NIPBL: variants seen among roughly 807,000 people sequenced by gnomAD.
NIPBL encodes the protein nipped-B-like protein.
NIPBL carries 19 observed loss-of-function variants against 321.8 expected under a neutral mutation model. That is an observed-to-expected ratio of 0.06 (90% CI 0.04 to 0.09). The LOEUF is 0.09. NIPBL is among the 10% of genes least tolerant of loss of function. The pLI, the probability that NIPBL is intolerant of heterozygous loss-of-function variation, is 1.00. For synonymous variants in NIPBL, 1,106 were observed against 1,114.1 expected, an observed-to-expected ratio of 0.99 and a Z score of 0.14; for missense variants, 2,210 against 3,327.0, an observed-to-expected ratio of 0.66 and a Z score of 8.26.
At chr5:37,064,202 A>G (rs1755133181) in intron 46 of NIPBL, 1 of 1,405,990 alleles carries the variant, frequency 7.1e-7, no homozygotes, top group Non-Finnish European at 9.2e-7. Context: ...TCCAGCATAA[A>G]GGGTTAATTT....
chr5:37,003,161 A>C (rs1235974841), intron 15 of NIPBL, 100 bp from the exon 16 acceptor site: 2 of 773,012 alleles, frequency 2.6e-6, no homozygotes, highest in Admixed American at 3.8e-5. Context: ...TGACAATGCT[A>C]TTTCCTCCAT....
chr5:37,014,859 T>G, intron 22 of NIPBL, 94 bp downstream of exon 22: 1 of 788,844 alleles, frequency 1.3e-6, no homozygotes, highest in South Asian at 1.4e-5. Flanking sequence ...CCTGCCATAA[T>G]CTGAACCTTG....
At chr5:37,016,923 A>T in intron 23 of NIPBL, 96 bp from the exon 24 acceptor site, 3 of 947,494 alleles carry the variant, frequency 3.2e-6, no homozygotes, top group Non-Finnish European at 4.6e-6. Flanking sequence ...TTTAAATTTT[A>T]AATTATACAA....
chr5:36,966,688 T>G (rs1742246155), intron 6 of NIPBL, among the ~76,000 whole-genome samples: 1 of 152,108 alleles, frequency 6.6e-6, no homozygotes, highest in African/African-American at 2.4e-5. Flanking sequence ...AAAACGATGA[T>G]TTTTTAAAAT....
At chr5:36,998,387 T>A (rs978420239) in intron 11 of NIPBL, among the ~76,000 whole-genome samples, 3 of 152,038 alleles carry the variant, frequency 2.0e-5, no homozygotes, top group Non-Finnish European at 4.4e-5. Context: ...CAATACAGCA[T>A]ATTCTATGTA....
chr5:36,983,474 A>T (rs926789342), intron 9 of NIPBL, among the ~76,000 whole-genome samples: 15 of 152,006 alleles, frequency 9.9e-5, no homozygotes, highest in Admixed American at 9.9e-4. Flanking sequence ...TCTAACAATA[A>T]GGAGCCATTT....
At chr5:36,962,383 A>G in intron 6 of NIPBL, 109 bp downstream of exon 6, 1 of 1,107,646 alleles carries the variant, frequency 9.0e-7, no homozygotes, top group Admixed American at 1.7e-5. Flanking sequence ...ACTATACTGT[A>G]TACTTGTCAG....
At position 37,064,077 on chromosome 5, in the gene NIPBL, G is replaced by A. The variant is rs1270543083; in HGVS notation, c.8049+99G>A. ...GTCTATTAAATGTACACCAAGTAAT[G>A]TAATACTTAAAAGAGAAAACATTTT... is the stretch of plus-strand genomic sequence containing the variant. On this transcript the variant is annotated intron_variant, in intron 46 of 46. Transcript: ENST00000282516. The A allele has an allele frequency of 4.6e-6, 7 of 1,512,232 alleles. No homozygotes were observed. In the Admixed American group the frequency reaches 1.5e-4, roughly 33 times the overall value. The allele number at this position is 1,512,232 out of a possible 1,614,324, so 93.7% of individuals were successfully genotyped here.
At chr5:37,023,602 C>T (rs1749902524) in intron 29 of NIPBL, among the ~76,000 whole-genome samples, 1 of 152,088 alleles carries the variant, frequency 6.6e-6, no homozygotes. Flanking sequence ...CAAATTAGCA[C>T]TCTAGTATCA....
rs1438668139 is a variant in NIPBL at position 37,033,605 on chromosome 5, A to G, written c.5863-2774A>G. The stretch of plus-strand genomic sequence containing the variant: ...TTCAGCTCAAAAATCAACTCCATAT[A>G]GATTAAAGGAGAACTTTAAAACTTT... On this transcript the variant is annotated intron_variant, in intron 32 of 46. Transcript: ENST00000282516. 2.7e-5 allele frequency among the ~76,000 whole-genome samples: 4 copies of G among 150,172 alleles called. No homozygotes were observed. The East Asian group carries it at 5.8e-4, about 22-fold the overall frequency.
At chr5:37,061,996 C>T (rs912437952) in intron 45 of NIPBL, among the ~76,000 whole-genome samples, 1 of 152,170 alleles carries the variant, frequency 6.6e-6, no homozygotes, top group African/African-American at 2.4e-5. Context: ...CGCCAGCCAC[C>T]ACGCCCGGCT....
intron 1 of NIPBL, among the ~76,000 whole-genome samples, chr5:36,949,559 ATTTT>A (rs1235746187): frequency 6.6e-6 from 1 of 151,876 alleles, no homozygotes; most frequent in Non-Finnish European, 1.5e-5. Context: ...TACCATTTCT[ATTTT>A]TTAATCACTA....
At chr5:36,881,519 G>GAAACAATAAT (rs1180275316) in intron 1 of NIPBL, among the ~76,000 whole-genome samples, 1 of 151,866 alleles carries the variant, frequency 6.6e-6, no homozygotes, top group African/African-American at 2.4e-5. Context: ...CCCAAAAGTA[G>GAAACAATAAT]AAACAATAAT....
At chr5:36,938,882 C>T (rs1470545210) in intron 1 of NIPBL, among the ~76,000 whole-genome samples, 1 of 152,002 alleles carries the variant, frequency 6.6e-6, no homozygotes, top group East Asian at 1.9e-4. Flanking sequence ...GCGTGTACAG[C>T]AGGTGTGTGT....
intron 25 of NIPBL, among the ~76,000 whole-genome samples, chr5:37,019,681 T>C (rs1227023553): frequency 6.6e-6 from 1 of 152,200 alleles, no homozygotes; most frequent in African/African-American, 2.4e-5. Context: ...GCTAGGTCAT[T>C]GGTTCTCAGA....
intron 1 of NIPBL, among the ~76,000 whole-genome samples, chr5:36,914,378 A>G (rs1580215047): frequency 6.6e-6 from 1 of 151,758 alleles, no homozygotes; most frequent in Admixed American, 6.5e-5. Flanking sequence ...AAAGTGTTAC[A>G]GGCCGAGTAT....
chr5:37,020,920 C>T, intron 27 of NIPBL, 43 bp downstream of exon 27: 1 of 1,309,470 alleles, frequency 7.6e-7, no homozygotes, highest in Non-Finnish European at 1.1e-6. Flanking sequence ...ATTGATTTTT[C>T]TGATTCTGGA....
chr5:36,898,057 TTTC>T (rs944893333), intron 1 of NIPBL, among the ~76,000 whole-genome samples: 6 of 152,198 alleles, frequency 3.9e-5, no homozygotes, highest in Non-Finnish European at 8.8e-5. Context: ...AACTTCTGTG[TTTC>T]TTAATGCCAG....
In NIPBL at chr5:36,985,890, A is replaced by C. The variant is rs761756303; in HGVS notation, c.2710A>C (p.Arg904=). The change falls in exon 10 of 47, where the codon AGA becomes CGA. Residue 904 remains arginine (R), a synonymous_variant. Coordinates refer to ENST00000282516, the MANE Select transcript of NIPBL (RefSeq NM_133433.4). ...RVKQGDSNKS[R]SDKLGFKSPT... is the part of the protein sequence containing the mutation. Reference sequence around the variant, plus strand: ...TAAACAAGGAGATTCTAATAAATCAAGATCTGATAAACTTGGTTTTAAATC... The same window carrying C: ...TAAACAAGGAGATTCTAATAAATCACGATCTGATAAACTTGGTTTTAAATC... The C allele has an allele frequency of 6.2e-7, 1 of 1,613,960 alleles. No homozygotes were observed. Among genetic ancestry groups the C allele is most frequent in the Non-Finnish European group, 8.5e-7 (1 of 1,179,964 alleles).
Sources: gnomAD v4.1 joint callset for allele counts (sites outside exome capture counted in the v4.1 genomes callset) on GRCh38, gnomAD v4.1.1 for gene constraint, MANE v1.5 for transcripts, NCBI Gene and HGNC (gene_info 2026-07-23, HGNC 2026-07-21) for gene names.